The following RBM17 variants were observed in gnomAD, a reference collection of about 807,000 sequenced individuals.
The protein encoded by RBM17 is RNA binding motif protein 17.
Under a neutral mutation model 53.2 loss-of-function variants are expected in RBM17, and 7 were observed. The observed-to-expected ratio is 0.13, with a 90% CI of 0.07 to 0.25. The LOEUF (loss-of-function observed/expected upper bound fraction) is 0.25. Ranked by LOEUF, RBM17 falls within the 10% of genes least tolerant of loss-of-function variation. The probability of loss-of-function intolerance (pLI) is 1.00; values close to 1 mark genes in which losing one functional copy is unlikely to be tolerated. For synonymous variants in RBM17, 167 were observed against 178.1 expected, an observed-to-expected ratio of 0.94 and a Z score of 0.50; for missense variants, 257 against 496.7, an observed-to-expected ratio of 0.52 and a Z score of 4.59.
At chr10:6,099,352 A>G (rs985917869) in intron 2 of RBM17, among the ~76,000 whole-genome samples, 1 of 151,942 alleles carries the variant, frequency 6.6e-6, no homozygotes, top group Non-Finnish European at 1.5e-5. Context: ...AGATTGGCCT[A>G]GCCAAACCTG....
In RBM17 at chr10:6,110,175, C is replaced by T. The variant is rs189687010; in HGVS notation, c.704+48C>T. 15 of 1,512,670 alleles carry T rather than the reference C, an allele frequency of 9.9e-6. No individual in the cohort carries two copies. The Admixed American group carries it at 1.6e-4, about 16-fold the overall frequency. The allele number at this position is 1,512,670 out of a possible 1,614,324, so 93.7% of individuals were successfully genotyped here. ...TAAGGACTTGAGAGACAGTGTGAAG[C>T]GTTGATAGCCCTTTCAATAGATGCA... On this transcript the variant is annotated intron_variant, in intron 7 of 11. Coordinates refer to ENST00000379888, the MANE Select transcript of RBM17 (RefSeq NM_032905.5).
rs1366551915 is a variant in RBM17, at chr10:6,116,386, C to G, written c.*830C>G. 1.3e-5 allele frequency: 2 copies of G among 152,290 alleles called. No individual in the cohort carries two copies. Among genetic ancestry groups the G allele is most frequent in the Non-Finnish European group, 2.9e-5 (2 of 68,030 alleles). 9.4% of individuals were successfully genotyped at this position (152,290 alleles called of 1,614,324 possible). ...TACTGGCAAAATTTGCAATAGTGTT[C>G]TATTGTATGTAATTTTAAAATTTAT... On this transcript the variant is annotated 3_prime_UTR_variant, in exon 12 of 12. Transcript: ENST00000379888.
chr10:6,109,957 G>C, intron 6 of RBM17, 29 bp from the exon 7 acceptor site: 1 of 1,573,202 alleles, frequency 6.4e-7, no homozygotes, highest in Non-Finnish European at 8.6e-7. Flanking sequence ...ATAGTATTTT[G>C]GTGAGCCTAC....
At chr10:6,115,141 A>C in intron 10 of RBM17, 98 bp from the exon 11 acceptor site, 1 of 911,900 alleles carries the variant, frequency 1.1e-6, no homozygotes, top group Non-Finnish European at 1.7e-6. Context: ...GTATATGATG[A>C]TAATTAGAAT....
At chr10:6,108,879 G>GAAT (rs1588349981) in intron 6 of RBM17, 137 bp downstream of exon 6, 3 of 492,292 alleles carry the variant, frequency 6.1e-6, no homozygotes, top group East Asian at 3.5e-5. Context: ...TGTCACCTGA[G>GAAT]GCCGCACCTG....
At chr10:6,111,572 TCAGG>T (rs1840837977) in intron 7 of RBM17, among the ~76,000 whole-genome samples, 1 of 152,186 alleles carries the variant, frequency 6.6e-6, no homozygotes, top group African/African-American at 2.4e-5. Flanking sequence ...ACTCCTGACC[TCAGG>T]TGATCCACCC....
intron 1 of RBM17, among the ~76,000 whole-genome samples, chr10:6,092,912 T>C (rs933047717): frequency 6.6e-6 from 1 of 152,250 alleles, no homozygotes. Flanking sequence ...CTGAAACTTT[T>C]GCGCAATGCA....
Position 6,097,204 on chromosome 10 carries a change from G to T in RBM17, c.123+16G>T. On this transcript the variant is annotated intron_variant, in intron 2 of 11. Transcript: ENST00000379888. ...TCAGGCAAAGGTAAAGACAAGCCCAGAGCATGAGAGCAGAGGCCTCCAGAG... is the reference window on the plus strand; with the variant it reads ...TCAGGCAAAGGTAAAGACAAGCCCATAGCATGAGAGCAGAGGCCTCCAGAG... 6.2e-7 allele frequency: 1 copy of T among 1,612,682 alleles called. No homozygotes were observed. Among genetic ancestry groups the T allele is most frequent in the Non-Finnish European group, 8.5e-7 (1 of 1,179,258 alleles).
chr10:6,110,224 C>T, intron 7 of RBM17, 97 bp downstream of exon 7: 6 of 1,167,282 alleles, frequency 5.1e-6, no homozygotes, highest in Non-Finnish European at 7.1e-6. Flanking sequence ...TGAGGACATT[C>T]AGGACCCTTG....
At chr10:6,096,726 T>A (rs1840582154) in intron 1 of RBM17, among the ~76,000 whole-genome samples, 1 of 152,222 alleles carries the variant, frequency 6.6e-6, no homozygotes, top group South Asian at 2.1e-4. Context: ...TAGAATTTTT[T>A]AAAAATTGGA....
intron 2 of RBM17, among the ~76,000 whole-genome samples, chr10:6,099,279 G>GT (rs34225886): frequency 0.27 from 39,691 of 146,612 alleles, 6,042 homozygotes; most frequent in Middle Eastern, 0.37. Flanking sequence ...AGTTTTGTGG[G>GT]TTTTTTTTTT....
intron 1 of RBM17, among the ~76,000 whole-genome samples, chr10:6,091,177 ACCT>A: frequency 6.6e-6 from 1 of 151,622 alleles, no homozygotes; most frequent in South Asian, 2.1e-4. Flanking sequence ...TCTGGCCTCA[ACCT>A]CCTGAGTAGC....
chr10:6,096,588 CA>C (rs1840578464), intron 1 of RBM17, among the ~76,000 whole-genome samples: 1 of 152,144 alleles, frequency 6.6e-6, no homozygotes, highest in East Asian at 1.9e-4. Context: ...TCTAAGAGAT[CA>C]TTTCTGTCAT....
chr10:6,092,711 A>T (rs982913535), intron 1 of RBM17, among the ~76,000 whole-genome samples: 1 of 152,240 alleles, frequency 6.6e-6, no homozygotes, highest in African/African-American at 2.4e-5. Flanking sequence ...ATTCAGTGAA[A>T]ATGAGAAAAA....
rs753033067 is a variant in RBM17 at position 6,117,234 on chromosome 10, T to G, written c.*1678T>G. On this transcript the variant is annotated 3_prime_UTR_variant, in exon 12 of 12. Coordinates refer to ENST00000379888, the MANE Select transcript of RBM17 (RefSeq NM_032905.5). ...TGATTTCCGTTCGCATGAGGACAGCTTGGTGTGTGCCTTTCTCCCCAGTCT... is the reference window on the plus strand; with the variant it reads ...TGATTTCCGTTCGCATGAGGACAGCGTGGTGTGTGCCTTTCTCCCCAGTCT... 1 of 152,342 alleles carries G rather than the reference T, an allele frequency of 6.6e-6. No individual in the cohort carries two copies. Among genetic ancestry groups the G allele is most frequent in the Non-Finnish European group, 1.5e-5 (1 of 68,042 alleles). 9.4% of individuals were successfully genotyped at this position (152,342 alleles called of 1,614,324 possible). A position where few individuals can be genotyped will look rare whatever the true frequency, so the allele number is the denominator to read the frequency against.
intron 2 of RBM17, 103 bp downstream of exon 2, chr10:6,097,291 G>T (rs550893274): frequency 1.7e-6 from 2 of 1,190,020 alleles, no homozygotes; most frequent in South Asian, 1.4e-5. Flanking sequence ...CTTTGTATTG[G>T]GTAAATGGTG....
intron 3 of RBM17, among the ~76,000 whole-genome samples, chr10:6,102,786 T>G (rs550376720): frequency 6.6e-6 from 1 of 152,306 alleles, no homozygotes; most frequent in Admixed American, 6.5e-5. Flanking sequence ...TAAATACCAC[T>G]CTAATGAACA....
chr10:6,102,561 A>G (rs1018136929), intron 3 of RBM17, among the ~76,000 whole-genome samples: 2 of 152,134 alleles, frequency 1.3e-5, no homozygotes, highest in Non-Finnish European at 1.5e-5. Context: ...TTCCTGCTAC[A>G]TCTAATTTAA....
intron 6 of RBM17, 84 bp from the exon 7 acceptor site, chr10:6,109,902 T>C (rs1840811770): frequency 6.0e-6 from 7 of 1,170,860 alleles, no homozygotes; most frequent in Non-Finnish European, 8.1e-6. Context: ...GTTAAATTTG[T>C]TCAAGATAAA....
Sources: allele counts gnomAD v4.1 joint callset (sites outside exome capture counted in the v4.1 genomes callset), GRCh38; gene constraint gnomAD v4.1.1; transcripts MANE v1.5; gene names NCBI Gene and HGNC (gene_info 2026-07-23, HGNC 2026-07-21).